The following DCDC2 variants were observed in gnomAD, a reference collection of about 807,000 sequenced individuals.
DCDC2 encodes doublecortin domain containing 2.
In DCDC2, 40 loss-of-function variants were observed where a neutral mutation model predicts 50.2. That is an observed-to-expected ratio of 0.80 (90% CI 0.62 to 1.04). The LOEUF is 1.04. DCDC2 is among the 50% of genes least tolerant of loss of function. The pLI, the probability that DCDC2 is intolerant of heterozygous loss-of-function variation, is 0.00. For synonymous variants in DCDC2, 234 were observed against 210.6 expected, an observed-to-expected ratio of 1.11 and a Z score of -0.96; for missense variants, 570 against 581.9, an observed-to-expected ratio of 0.98 and a Z score of 0.21.
At chr6:24,358,937 T>TATATTA (rs1760560757), upstream of DCDC2, among the ~76,000 whole-genome samples, 1 of 21,506 alleles carries the variant, frequency 4.6e-5, no homozygotes, top group African/African-American at 3.6e-4. Context: ...ATTATATATT[T>TATATTA]TATATATTAT....
intron 7 of DCDC2, among the ~76,000 whole-genome samples, chr6:24,272,962 T>C (rs1046925939): frequency 1.3e-5 from 2 of 152,062 alleles, no homozygotes; most frequent in South Asian, 2.1e-4. Flanking sequence ...TCAACCTAAG[T>C]GTCCATCAAT....
At chr6:24,262,583 C>A (rs1488585979) in intron 7 of DCDC2, among the ~76,000 whole-genome samples, 1 of 152,128 alleles carries the variant, frequency 6.6e-6, no homozygotes, top group Non-Finnish European at 1.5e-5. Flanking sequence ...GTACAGCTCG[C>A]AGCTTTGGGA....
intron 7 of DCDC2, among the ~76,000 whole-genome samples, chr6:24,242,236 C>T (rs796068447): frequency 3.9e-5 from 6 of 152,212 alleles, no homozygotes; most frequent in African/African-American, 1.4e-4. Flanking sequence ...TTTAGTGGCA[C>T]CTGCATTATC....
intron 4 of DCDC2, among the ~76,000 whole-genome samples, chr6:24,292,055 G>A (rs1177196249): frequency 1.3e-5 from 2 of 151,896 alleles, no homozygotes; most frequent in Non-Finnish European, 2.9e-5. Context: ...TCCCAGAATC[G>A]AGCAGTTTCA....
rs139238205 is a variant in DCDC2, at chr6:24,194,671, A to C, written c.1023+10331T>G. Among the ~76,000 whole-genome samples, 81 of 152,314 alleles carry C rather than the reference A, an allele frequency of 5.3e-4. No homozygotes were observed. In the East Asian group the frequency reaches 0.014, roughly 26 times the overall value. ...TACTTCCTTAGCTTGGAAAAGCACC[A>C]TCATATAAATGGGGCGTATTGACAT... On this transcript the variant is annotated intron_variant, in intron 8 of 9. Transcript: ENST00000378454.
chr6:24,222,673 G>T (rs1581595848), intron 7 of DCDC2, among the ~76,000 whole-genome samples: 4 of 152,228 alleles, frequency 2.6e-5, no homozygotes, highest in Admixed American at 2.6e-4. Context: ...AAAACCATCT[G>T]TTTTCCTTAG....
chr6:24,175,552 AC>A (rs1760886833), intron 9 of DCDC2, among the ~76,000 whole-genome samples: 1 of 152,162 alleles, frequency 6.6e-6, no homozygotes, highest in South Asian at 2.1e-4. Context: ...ACAGGCCATG[AC>A]TGATGCTTTG....
At chr6:24,325,839 A>G (rs537949018) in intron 2 of DCDC2, among the ~76,000 whole-genome samples, 20 of 149,222 alleles carry the variant, frequency 1.3e-4, no homozygotes, top group African/African-American at 4.1e-4. Flanking sequence ...AGTCACATTT[A>G]TTTTACCATG....
intron 2 of DCDC2, among the ~76,000 whole-genome samples, chr6:24,304,543 T>G (rs1759435912): frequency 6.6e-6 from 1 of 152,078 alleles, no homozygotes; most frequent in East Asian, 1.9e-4. Flanking sequence ...AAAATTCAAG[T>G]GGTTAAAGGG....
At chr6:24,377,367 GA>G in the DCDC2 span, among the ~76,000 whole-genome samples, 1 of 151,770 alleles carries the variant, frequency 6.6e-6, no homozygotes, top group Non-Finnish European at 1.5e-5. Flanking sequence ...GAGAAATTAA[GA>G]AAAAAAGCTG....
rs530121340 is a variant in DCDC2 at position 24,259,716 on chromosome 6, G to A, written c.922+18333C>T. 2.0e-5 allele frequency among the ~76,000 whole-genome samples: 3 copies of A among 151,994 alleles called. No individual in the cohort carries two copies. In the South Asian group the frequency reaches 6.2e-4, roughly 32 times the overall value. On this transcript the variant is annotated intron_variant, in intron 7 of 9. Transcript: ENST00000378454. ...TCTTTTTTTCAAAATTCTATGCCTA[G>A]AACTTTCTCTCTCAAATAAATATCA...
chr6:24,221,995 G>T (rs1465539367), intron 7 of DCDC2, among the ~76,000 whole-genome samples: 1 of 152,218 alleles, frequency 6.6e-6, no homozygotes, highest in Non-Finnish European at 1.5e-5. Flanking sequence ...TGAAGTCATG[G>T]ATGAGAAGAA....
chr6:24,232,632 C>T (rs1452015144), intron 7 of DCDC2, among the ~76,000 whole-genome samples: 1 of 152,184 alleles, frequency 6.6e-6, no homozygotes, highest in African/African-American at 2.4e-5. Flanking sequence ...ACCAGCCATG[C>T]TCTTTAATTT....
intron 8 of DCDC2, among the ~76,000 whole-genome samples, chr6:24,180,915 T>C (rs922377914): frequency 6.6e-6 from 1 of 152,246 alleles, no homozygotes; most frequent in African/African-American, 2.4e-5. Context: ...GAGTTGGAAC[T>C]AGTAATAATT....
At chr6:24,359,150 T>TA (rs1760581659), upstream of DCDC2, among the ~76,000 whole-genome samples, 1 of 60,738 alleles carries the variant, frequency 1.6e-5, no homozygotes, top group Admixed American at 3.4e-4. Flanking sequence ...TATTATATAT[T>TA]TTATATATTT....
At chr6:24,228,449 C>G (rs965009518) in intron 7 of DCDC2, among the ~76,000 whole-genome samples, 1 of 152,184 alleles carries the variant, frequency 6.6e-6, no homozygotes. Flanking sequence ...TTCTCAAGCT[C>G]TCTGAAATGA....
At position 24,181,448 on chromosome 6, in the gene DCDC2, C is replaced by T. The variant is rs77291332; in HGVS notation, c.1024-2816G>A. On this transcript the variant is annotated intron_variant, in intron 8 of 9. Transcript: ENST00000378454. The stretch of plus-strand genomic sequence containing the variant: ...ACTTGAGGTGATAAGGAGAGGAGGG[C>T]TTGGCAAGGGAAAGATGGGTGTTGT... Among the ~76,000 whole-genome samples, 1,259 of 152,220 alleles carry T rather than the reference C, an allele frequency of 8.3e-3. 14 individuals are homozygous for T. Among genetic ancestry groups the T allele is most frequent in the African/African-American group, 0.028 (1,177 of 41,522 alleles).
At chr6:24,336,765 C>G (rs568691129) in intron 2 of DCDC2, among the ~76,000 whole-genome samples, 1 of 151,610 alleles carries the variant, frequency 6.6e-6, no homozygotes, top group Non-Finnish European at 1.5e-5. Flanking sequence ...AAGAAGTAAA[C>G]CCTGTCTTAT....
At chr6:24,198,453 G>A (rs986383887) in intron 8 of DCDC2, among the ~76,000 whole-genome samples, 4 of 152,184 alleles carry the variant, frequency 2.6e-5, no homozygotes, top group African/African-American at 7.2e-5. Context: ...ACTGTGTCAC[G>A]AGGAATGGTG....
Sources: allele counts gnomAD v4.1 joint callset (sites outside exome capture counted in the v4.1 genomes callset), GRCh38; gene constraint gnomAD v4.1.1; transcripts MANE v1.5; gene names NCBI Gene and HGNC (gene_info 2026-07-23, HGNC 2026-07-21).